The following NINJ2 variants were observed in gnomAD, a reference collection of about 807,000 sequenced individuals.
The protein encoded by NINJ2 is ninjurin-2.
NINJ2 carries 12 observed loss-of-function variants against 11.7 expected under a neutral mutation model. The ratio of observed to expected loss-of-function variants is 1.02; its 90% CI spans 0.66 to 1.66. NINJ2 has a LOEUF of 1.66. Ranked by LOEUF, NINJ2 falls within the 40% of genes most tolerant of loss-of-function variation. The probability of loss-of-function intolerance (pLI) is 0.00; values close to 1 mark genes in which losing one functional copy is unlikely to be tolerated. For missense variants in NINJ2, 187 were observed against 181.8 expected (o/e 1.03, Z -0.16); for synonymous variants, 93 against 76.8 (o/e 1.21, Z -1.10).
chr12:602,809 A>G (rs1218158623), intron 1 of NINJ2, among the ~76,000 whole-genome samples: 1 of 152,146 alleles, frequency 6.6e-6, no homozygotes, highest in African/African-American at 2.4e-5. Flanking sequence ...TAATGAGTGT[A>G]AAGTGCTGTC....
At chr12:616,434 T>A (rs1161057698) in intron 1 of NINJ2, among the ~76,000 whole-genome samples, 1 of 151,816 alleles carries the variant, frequency 6.6e-6, no homozygotes, top group Non-Finnish European at 1.5e-5. Context: ...GGTTTGGTCT[T>A]GGGAGAACAT....
intron 1 of NINJ2, among the ~76,000 whole-genome samples, chr12:635,218 AT>A (rs1323945191): frequency 6.6e-6 from 1 of 151,586 alleles, no homozygotes; most frequent in Non-Finnish European, 1.5e-5. Flanking sequence ...CACATCCTAA[AT>A]TTTGTATTTT....
chr12:660,286 T>G (rs2120551349), intron 1 of NINJ2, among the ~76,000 whole-genome samples: 1 of 128,784 alleles, frequency 7.8e-6, no homozygotes, highest in Non-Finnish European at 1.6e-5. Flanking sequence ...AGATCCTGTC[T>G]GTTAAAAAAA....
At chr12:649,792 G>A (rs1937759942) in intron 1 of NINJ2, among the ~76,000 whole-genome samples, 1 of 151,734 alleles carries the variant, frequency 6.6e-6, no homozygotes, top group South Asian at 2.1e-4. Context: ...TCCTACACAT[G>A]TTTATTCTAT....
chr12:592,466 C>T (rs1176239576), intron 1 of NINJ2, among the ~76,000 whole-genome samples: 1 of 152,168 alleles, frequency 6.6e-6, no homozygotes, highest in Non-Finnish European at 1.5e-5. Context: ...TTTGGGAAGT[C>T]GAGGCTGGCG....
At chr12:643,736 C>T (rs1236648459) in intron 1 of NINJ2, 5 of 944,818 alleles carry the variant, frequency 5.3e-6, no homozygotes, top group Non-Finnish European at 6.3e-6. Context: ...TTTTCTGGAA[C>T]TCGCTCCCCC....
intron 1 of NINJ2, among the ~76,000 whole-genome samples, chr12:572,042 A>G (rs1457108175): frequency 6.6e-6 from 1 of 152,250 alleles, no homozygotes; most frequent in Non-Finnish European, 1.5e-5. Context: ...CCTTGACCAC[A>G]TTCCAGCCCT....
chr12:663,165 A>G (rs1030126318), intron 1 of NINJ2, among the ~76,000 whole-genome samples, 163 bp downstream of exon 1: 1 of 152,250 alleles, frequency 6.6e-6, no homozygotes, highest in Admixed American at 6.5e-5. Flanking sequence ...ACAGAGAGAA[A>G]GAGAAAATAA....
At chr12:643,052 C>T (rs556519954) in intron 1 of NINJ2, 12 of 153,284 alleles carry the variant, frequency 7.8e-5, no homozygotes, top group Admixed American at 3.9e-4. Flanking sequence ...CCGAGTCGGC[C>T]CGCGGGCTAC....
chr12:622,750 C>T (rs1948168744), intron 1 of NINJ2, among the ~76,000 whole-genome samples: 1 of 151,992 alleles, frequency 6.6e-6, no homozygotes. Context: ...CCCTACCTCA[C>T]CCTAAATGCA....
intron 1 of NINJ2, 35 bp downstream of exon 1, chr12:663,293 G>A (rs769157873): frequency 9.4e-6 from 15 of 1,596,682 alleles, no homozygotes; most frequent in Admixed American, 3.4e-5. Flanking sequence ...CTCTACTCCC[G>A]GTCTCCCCTC....
intron 1 of NINJ2, among the ~76,000 whole-genome samples, chr12:653,502 G>C (rs1336711766): frequency 1.3e-5 from 2 of 151,722 alleles, no homozygotes; most frequent in Admixed American, 1.3e-4. Context: ...GGATTGTTTT[G>C]TTATCATAAG....
chr12:658,646 T>TTATGCTATGCTATGCTATGC (rs141722591), intron 1 of NINJ2, among the ~76,000 whole-genome samples: 9 of 130,856 alleles, frequency 6.9e-5, no homozygotes, highest in African/African-American at 2.4e-4. Flanking sequence ...AACTTCTCTA[T>TTATGCTATGCTATGCTATGC]TATGCTATGC....
chr12:650,075 A>G (rs1260823256), intron 1 of NINJ2, among the ~76,000 whole-genome samples: 2 of 107,336 alleles, frequency 1.9e-5, no homozygotes, highest in Non-Finnish European at 3.7e-5. Flanking sequence ...AAGTGAGATT[A>G]GTAGATTTTT....
intron 1 of NINJ2, among the ~76,000 whole-genome samples, chr12:660,757 G>A (rs1481606571): frequency 6.6e-6 from 1 of 152,110 alleles, no homozygotes; most frequent in Non-Finnish European, 1.5e-5. Flanking sequence ...GGTCAGGAGT[G>A]CAAGACTAGC....
chr12:595,848 A>T (rs1235057253), intron 1 of NINJ2, among the ~76,000 whole-genome samples: 1 of 152,242 alleles, frequency 6.6e-6, no homozygotes, highest in South Asian at 2.1e-4. Context: ...TATGAACCTG[A>T]TTTGAAAAAA....
rs554179346 is a variant in NINJ2 at position 591,152 on chromosome 12, C to T, written c.34-24974G>A. The T allele has an allele frequency of 1.3e-5, 2 of 152,462 alleles. No homozygotes were observed. The highest frequency in any genetic ancestry group is 4.1e-4 in the South Asian group (2 of 4,822). 9.4% of individuals were successfully genotyped at this position (152,462 alleles called of 1,614,324 possible). A position where few individuals can be genotyped will look rare whatever the true frequency, so the allele number is the denominator to read the frequency against. ...CCTCTTTTCAAAATGGTATGACAGT[C>T]CCTAGGTTCTCTGGCTCCTGTTTCT... On this transcript the variant is annotated intron_variant, in intron 1 of 3. Transcript: ENST00000305108. This position sits in a 1 kb window ranked among gnomAD's most constrained non-coding sequence, Gnocchi z 5.0.
chr12:571,718 G>T (rs115556182), intron 1 of NINJ2, among the ~76,000 whole-genome samples: 263 of 152,382 alleles, frequency 1.7e-3, no homozygotes, highest in African/African-American at 6.0e-3. Context: ...GGTTGGATAG[G>T]AAAGGAATGC....
In NINJ2 at chr12:585,546, AAGGGAACGGTTGGAGGGAAGG is replaced by A. The variant is rs1947624917; in HGVS notation, c.34-19389_34-19369del. Among the ~76,000 whole-genome samples, 2 of 70,248 alleles carry A rather than the reference AAGGGAACGGTTGGAGGGAAGG, an allele frequency of 2.8e-5. No homozygotes were observed. Among genetic ancestry groups the A allele is most frequent in the Non-Finnish European group, 6.0e-5 (2 of 33,104 alleles). 46.1% of individuals were successfully genotyped at this position (70,248 alleles called of 152,430 possible). A position where few individuals can be genotyped will look rare whatever the true frequency, so the allele number is the denominator to read the frequency against. On this transcript the variant is annotated intron_variant, in intron 1 of 3. Coordinates refer to ENST00000305108, the MANE Select transcript of NINJ2 (RefSeq NM_016533.6). This position sits in a 1 kb window ranked among gnomAD's most constrained non-coding sequence, Gnocchi z 4.1. Reference sequence around the variant, plus strand: ...GGAAGGGAACGGTTGGAGGGAAGGGAAGGGAACGGTTGGAGGGAAGGGAGGCTGAGCACAGGCACGGTCACG... The same window carrying A: ...GGAAGGGAACGGTTGGAGGGAAGGGAGAGGCTGAGCACAGGCACGGTCACG...
Sources: allele counts gnomAD v4.1 joint callset (sites outside exome capture counted in the v4.1 genomes callset), GRCh38; gene constraint gnomAD v4.1.1; non-coding constraint Gnocchi (gnomAD v3.1); transcripts MANE v1.5; gene names NCBI Gene and HGNC (gene_info 2026-07-23, HGNC 2026-07-21).